The following LHX8 variants were observed in gnomAD, a reference collection of about 807,000 sequenced individuals.
The protein encoded by LHX8 is LIM/homeobox protein Lhx8.
LHX8 carries 12 observed loss-of-function variants against 40.3 expected under a neutral mutation model. The ratio of observed to expected loss-of-function variants is 0.30; its 90% CI spans 0.19 to 0.48. The LOEUF is 0.48. LHX8 is among the 20% of genes least tolerant of loss of function. The probability of loss-of-function intolerance (pLI) is 0.99; values close to 1 mark genes in which losing one functional copy is unlikely to be tolerated. For missense variants in LHX8, 344 were observed against 433.7 expected (o/e 0.79, Z 1.84); for synonymous variants, 179 against 162.0 (o/e 1.10, Z -0.80).
At chr1:75,163,960 C>T (rs1320299067), downstream of LHX8, among the ~76,000 whole-genome samples, 1 of 152,166 alleles carries the variant, frequency 6.6e-6, no homozygotes, top group Non-Finnish European at 1.5e-5. Flanking sequence ...GGGTCCTCAC[C>T]AGACAGAATC....
At chr1:75,192,152 AC>A in the LHX8 span, among the ~76,000 whole-genome samples, 1 of 152,210 alleles carries the variant, frequency 6.6e-6, no homozygotes, top group South Asian at 2.1e-4. Context: ...GACATCTGGA[AC>A]AGTGAGTGGC....
chr1:75,152,247 G>C (rs2222678), intron 7 of LHX8, among the ~76,000 whole-genome samples: 152,304 of 152,344 alleles, frequency 1, 76,132 homozygotes, highest in Middle Eastern at 1. Flanking sequence ...GGAAACTGGT[G>C]TGATACGTGG....
intron 8 of LHX8, among the ~76,000 whole-genome samples, chr1:75,157,940 A>G (rs1008609741): frequency 5.9e-5 from 9 of 152,196 alleles, no homozygotes; most frequent in Non-Finnish European, 1.3e-4. Context: ...AGTGGGACAT[A>G]AGGTCATGGG....
At chr1:75,150,510 A>T (rs1329127965) in intron 7 of LHX8, among the ~76,000 whole-genome samples, 1 of 151,994 alleles carries the variant, frequency 6.6e-6, no homozygotes, top group African/African-American at 2.4e-5. Context: ...CAGAGAGGAG[A>T]GCAGGGTAAG....
the LHX8 span, among the ~76,000 whole-genome samples, chr1:75,181,137 G>T: frequency 2.0e-4 from 30 of 152,192 alleles, no homozygotes; most frequent in Middle Eastern, 3.2e-3. Context: ...CCTACTGGGA[G>T]GTTTCTCCAA....
At chr1:75,137,303 T>C in intron 3 of LHX8, 42 bp downstream of exon 3, 1 of 1,584,806 alleles carries the variant, frequency 6.3e-7, no homozygotes, top group Middle Eastern at 1.7e-4. Flanking sequence ...GGGAGCGGGC[T>C]TAGCGTGGGA....
upstream of LHX8, chr1:75,133,191 A>G (rs1224494511): frequency 6.6e-6 from 1 of 152,254 alleles, no homozygotes; most frequent in South Asian, 2.1e-4. Context: ...GCGCGAAAAG[A>G]AAAACAATGG....
the LHX8 span, among the ~76,000 whole-genome samples, chr1:75,175,873 C>T: frequency 1.3e-5 from 2 of 151,994 alleles, no homozygotes; most frequent in Non-Finnish European, 2.9e-5. Flanking sequence ...GCCCTGTGTC[C>T]AAGTGTTCTC....
rs1229920150 is a variant in LHX8, at chr1:75,148,576, T to C, written c.685-11T>C. On this transcript the variant is annotated splice_polypyrimidine_tract_variant and intron_variant, in intron 6 of 8. Transcript: ENST00000356261. ...TTTAGCTATTTACTACATACATGTT[T>C]TAAACAACAGGTTATGCAAGCACAA... The C allele has an allele frequency of 6.2e-7, 1 of 1,604,496 alleles. No individual in the cohort carries two copies. Among genetic ancestry groups the C allele is most frequent in the East Asian group, 2.2e-5 (1 of 44,768 alleles).
At chr1:75,141,245 C>T in intron 4 of LHX8, 139 bp downstream of exon 4, 2 of 888,154 alleles carry the variant, frequency 2.3e-6, no homozygotes, top group Non-Finnish European at 3.4e-6. Context: ...AATGAGGGTG[C>T]TTTCCTGTTT....
the LHX8 span, among the ~76,000 whole-genome samples, chr1:75,178,448 G>A: frequency 6.6e-6 from 1 of 152,120 alleles, no homozygotes. Context: ...AGATTTTCTA[G>A]TTTATGTGCT....
the LHX8 span, among the ~76,000 whole-genome samples, chr1:75,175,001 C>T: frequency 2.6e-5 from 4 of 152,164 alleles, no homozygotes; most frequent in Non-Finnish European, 5.9e-5. Flanking sequence ...TCTATTATAT[C>T]ATTCTTACGC....
intron 4 of LHX8, among the ~76,000 whole-genome samples, chr1:75,141,309 C>T (rs1296930508): frequency 6.6e-6 from 1 of 151,996 alleles, no homozygotes; most frequent in Non-Finnish European, 1.5e-5. Context: ...ATTCAGTAGA[C>T]AAAAGTTAAT....
the LHX8 span, among the ~76,000 whole-genome samples, chr1:75,189,910 G>T: frequency 1.3e-5 from 2 of 152,210 alleles, no homozygotes; most frequent in African/African-American, 4.8e-5. Flanking sequence ...TTAATCAACT[G>T]TTCAATGCTA....
chr1:75,157,057 G>T lies in LHX8; in HGVS notation c.945G>T (p.Ala315=), dbSNP rs754307452. The stretch of plus-strand genomic sequence containing the variant: ...CCCAAGATGGAACGATGTTAACTGC[G>T]CTGCATAGTTATATGGATGGTAGGT... ...YVPQDGTMLT[A]LHSYMDAHSP... The change falls in exon 8 of 9, where the codon GCG becomes GCT. Residue 315 remains alanine, a synonymous_variant. Coordinates refer to ENST00000356261, the MANE Select transcript of LHX8 (RefSeq NM_001256114.2). 1 of 1,614,004 alleles carries T rather than the reference G, an allele frequency of 6.2e-7. No homozygotes were observed. Among genetic ancestry groups the T allele is most frequent in the African/African-American group, 1.3e-5 (1 of 74,904 alleles).
chr1:75,195,819 G>GCCTT, the LHX8 span, among the ~76,000 whole-genome samples: 1 of 151,726 alleles, frequency 6.6e-6, no homozygotes, highest in African/African-American at 2.4e-5. Flanking sequence ...TCTTCCTGAT[G>GCCTT]CCTTTAATAT....
upstream of LHX8, chr1:75,129,929 T>A (rs1362837295): frequency 6.6e-6 from 1 of 152,144 alleles, no homozygotes; most frequent in Admixed American, 6.5e-5. Context: ...CTGGCCACCT[T>A]GGATTTCGGC....
At chr1:75,194,752 A>G in the LHX8 span, among the ~76,000 whole-genome samples, 2 of 152,202 alleles carry the variant, frequency 1.3e-5, no homozygotes, top group African/African-American at 4.8e-5. Flanking sequence ...AGCCACTAGG[A>G]TCAGGAAGTG....
the LHX8 span, among the ~76,000 whole-genome samples, chr1:75,183,855 C>T: frequency 6.6e-6 from 1 of 152,154 alleles, no homozygotes; most frequent in Non-Finnish European, 1.5e-5. Flanking sequence ...AAACCAAGAC[C>T]CAGCAGTATG....
Sources: allele counts gnomAD v4.1 joint callset (sites outside exome capture counted in the v4.1 genomes callset), GRCh38; gene constraint gnomAD v4.1.1; transcripts MANE v1.5; gene names NCBI Gene and HGNC (gene_info 2026-07-23, HGNC 2026-07-21).